CDH23: variants seen among roughly 807,000 people sequenced by gnomAD.
CDH23 encodes cadherin related 23.
A neutral mutation model predicts 317.1 loss-of-function variants in CDH23; 189 were observed. The ratio of observed to expected loss-of-function variants is 0.60; its 90% confidence interval spans 0.53 to 0.67. The LOEUF (loss-of-function observed/expected upper bound fraction) is 0.67. CDH23 is among the 30% of genes least tolerant of loss of function. The pLI, the probability that CDH23 is intolerant of heterozygous loss-of-function variation, is 0.00. For synonymous variants in CDH23, 1,839 were observed against 1,876.8 expected (o/e 0.98, Z 0.52); for missense variants, 4,401 against 4,592.4 (o/e 0.96, Z 1.20).
intron 38 of CDH23, among the ~76,000 whole-genome samples, chr10:71,743,772 A>C (rs769176575): frequency 3.3e-5 from 5 of 152,234 alleles, no homozygotes; most frequent in Non-Finnish European, 5.9e-5. Context: ...TTTGTGAAGT[A>C]ACAGAAACTG....
At chr10:71,724,424 A>T (rs1866715587) in intron 29 of CDH23, among the ~76,000 whole-genome samples, 1 of 152,122 alleles carries the variant, frequency 6.6e-6, no homozygotes, top group Non-Finnish European at 1.5e-5. Flanking sequence ...TCCCGTCCCC[A>T]GTAGCTCAGT....
chr10:71,489,746 C>T (rs1234266974), intron 3 of CDH23, among the ~76,000 whole-genome samples: 3 of 152,158 alleles, frequency 2.0e-5, no homozygotes, highest in East Asian at 1.9e-4. Flanking sequence ...TTCTTAAGCA[C>T]TTAAGCTCAC....
At chr10:71,590,484 A>G (rs972199173) in intron 9 of CDH23, among the ~76,000 whole-genome samples, 1 of 152,154 alleles carries the variant, frequency 6.6e-6, no homozygotes, top group Non-Finnish European at 1.5e-5. Context: ...CACTTGTAGG[A>G]TCACGTCATT....
intron 38 of CDH23, among the ~76,000 whole-genome samples, chr10:71,774,191 C>T (rs180904528): frequency 1.3e-5 from 2 of 152,130 alleles, no homozygotes. Context: ...GCACATCCTG[C>T]AAGCTCCCCT....
chr10:71,731,730 C>T (rs910197961), intron 31 of CDH23, among the ~76,000 whole-genome samples: 2 of 152,118 alleles, frequency 1.3e-5, no homozygotes, highest in Non-Finnish European at 2.9e-5. Flanking sequence ...CAGGAGCAGA[C>T]CCAACTCTTT....
intron 1 of CDH23, among the ~76,000 whole-genome samples, chr10:71,418,640 G>T (rs907496715): frequency 2.0e-5 from 3 of 152,232 alleles, no homozygotes; most frequent in Non-Finnish European, 2.9e-5. Context: ...ACTTCTGGGA[G>T]ATTCCGTTCT....
At chr10:71,736,572 C>G (rs1839572177) in intron 34 of CDH23, among the ~76,000 whole-genome samples, 1 of 152,110 alleles carries the variant, frequency 6.6e-6, no homozygotes, top group African/African-American at 2.4e-5. Context: ...ACACAGACAC[C>G]CATCTCATTC....
intron 6 of CDH23, among the ~76,000 whole-genome samples, chr10:71,513,092 G>A (rs1854084368): frequency 6.6e-6 from 1 of 152,176 alleles, no homozygotes; most frequent in Admixed American, 6.5e-5. Context: ...ACAAGGAGAG[G>A]GTAGGCTGAG....
chr10:71,436,645 A>C (rs980960192), intron 1 of CDH23, among the ~76,000 whole-genome samples: 1 of 152,226 alleles, frequency 6.6e-6, no homozygotes, highest in African/African-American at 2.4e-5. Flanking sequence ...GAATAAAAAT[A>C]ATACCCGTGA....
At chr10:71,706,333 G>T (rs990295231) in intron 25 of CDH23, among the ~76,000 whole-genome samples, 3 of 152,146 alleles carry the variant, frequency 2.0e-5, no homozygotes, top group African/African-American at 7.2e-5. Flanking sequence ...AAAGTCCGTT[G>T]CATGCTGAGG....
At chr10:71,674,598 A>G (rs1196718621) in intron 14 of CDH23, among the ~76,000 whole-genome samples, 1 of 152,082 alleles carries the variant, frequency 6.6e-6, no homozygotes, top group Non-Finnish European at 1.5e-5. Context: ...CAACCTCTTC[A>G]CCCTCACAAC....
chr10:71,677,718 T>G (rs918638783), intron 16 of CDH23, 25 bp downstream of exon 16: 3 of 1,514,776 alleles, frequency 2.0e-6, no homozygotes, highest in Non-Finnish European at 2.7e-6. Context: ...AGCCCTGCAC[T>G]CCTGCCATTT....
At chr10:71,812,305 T>G (rs758497680) in intron 66 of CDH23, 175 bp from the exon 67 acceptor site, 2 of 1,598,614 alleles carry the variant, frequency 1.3e-6, no homozygotes, top group Non-Finnish European at 1.7e-6. Flanking sequence ...CGGTCCTGGT[T>G]CCAGCAGGAT....
At chr10:71,590,141 G>A (rs1279527707) in intron 9 of CDH23, among the ~76,000 whole-genome samples, 1 of 152,200 alleles carries the variant, frequency 6.6e-6, no homozygotes, top group African/African-American at 2.4e-5. Flanking sequence ...GTGCTCCTCT[G>A]CCACCTCTCT....
chr10:71,525,371 T>C (rs73285658), intron 6 of CDH23, among the ~76,000 whole-genome samples: 6,295 of 152,306 alleles, frequency 0.041, 238 homozygotes, highest in African/African-American at 0.1. Flanking sequence ...GTGGGACATG[T>C]GTTCTAAAGT....
intron 3 of CDH23, among the ~76,000 whole-genome samples, chr10:71,490,049 T>C (rs1435102357): frequency 6.6e-6 from 1 of 152,114 alleles, no homozygotes. Flanking sequence ...TAGACCCCTA[T>C]GCTGGGTGGG....
intron 38 of CDH23, among the ~76,000 whole-genome samples, chr10:71,759,884 C>CACACACACACATAT (rs1554868497): frequency 2.0e-5 from 1 of 49,122 alleles, no homozygotes; most frequent in Admixed American, 2.5e-4. Flanking sequence ...CACACACACA[C>CACACACACACATAT]ATATACACAC....
At chr10:71,511,823 G>C (rs1158860064) in intron 6 of CDH23, 2 of 155,292 alleles carry the variant, frequency 1.3e-5, no homozygotes, top group Non-Finnish European at 2.9e-5. Context: ...ATGGCACCAG[G>C]GTTCCCACTG....
intron 16 of CDH23, among the ~76,000 whole-genome samples, chr10:71,678,713 G>A (rs528684652): frequency 5.3e-5 from 8 of 152,306 alleles, no homozygotes; most frequent in African/African-American, 1.7e-4. Flanking sequence ...GGGACAACCT[G>A]GAAAGAAGCT....
Sources: gnomAD v4.1 joint callset for allele counts (sites outside exome capture counted in the v4.1 genomes callset) on GRCh38, gnomAD v4.1.1 for gene constraint, MANE v1.5 for transcripts, NCBI Gene and HGNC (gene_info 2026-07-23, HGNC 2026-07-21) for gene names.